MEX3C: variants seen among roughly 807,000 people sequenced by gnomAD.
MEX3C encodes RNA-binding E3 ubiquitin-protein ligase MEX3C.
In MEX3C, 15 loss-of-function variants were observed where a neutral mutation model predicts 35.5. The ratio of observed to expected loss-of-function variants is 0.42; its 90% CI spans 0.28 to 0.65. The LOEUF (loss-of-function observed/expected upper bound fraction) is 0.65. MEX3C is among the 30% of genes least tolerant of loss of function. The pLI, the probability that MEX3C is intolerant of heterozygous loss-of-function variation, is 0.20. For synonymous variants in MEX3C, 390 were observed against 352.8 expected, an observed-to-expected ratio of 1.11 and a Z score of -1.18; for missense variants, 711 against 842.8, an observed-to-expected ratio of 0.84 and a Z score of 1.94.
intron 1 of MEX3C, among the ~76,000 whole-genome samples, chr18:51,182,271 TGGGAA>T (rs1912448558): frequency 6.6e-6 from 1 of 151,850 alleles, no homozygotes; most frequent in Admixed American, 6.6e-5. Flanking sequence ...CTTAAGGTCT[TGGGAA>T]GGCATCCCTG....
At chr18:51,190,841 CTA>C (rs1336375896) in intron 1 of MEX3C, among the ~76,000 whole-genome samples, 1 of 152,122 alleles carries the variant, frequency 6.6e-6, no homozygotes, top group East Asian at 1.9e-4. Context: ...TTGTAAGTCT[CTA>C]TATAGTAACT....
intron 1 of MEX3C, chr18:51,194,562 T>C (rs2144560258): frequency 6.6e-6 from 1 of 152,334 alleles, no homozygotes; most frequent in East Asian, 1.9e-4. Context: ...AAGGGCCATT[T>C]AGCAGTGCTT....
chr18:51,176,403 G>A lies in MEX3C; in HGVS notation c.1928C>T (p.Ser643Leu). 1.2e-6 allele frequency: 2 copies of A among 1,613,992 alleles called. No individual in the cohort carries two copies. Among genetic ancestry groups the A allele is most frequent in the Non-Finnish European group, 1.7e-6 (2 of 1,179,878 alleles). Residue 643 changes from serine to leucine, a missense_variant, in exon 2 of 2, where the codon TCA becomes TTA. Ser to Leu is a moderately radical substitution (Grantham distance 145, BLOSUM62 -2). Transcript: ENST00000406189. ...AACAGCTGTCTGGCAAACTGGACAT[G>A]ATGGCGTTCTCTTTTCACAGATCTT... ...ANKICEKRTP[S>L]CPVCQTAVTQ...
Position 51,196,932 on chromosome 18 carries a change from A to T in MEX3C, c.389T>A (p.Leu130Gln). ...CCGGTCCTCCTCCTCTGCTTCCTCC[A>T]GCTCCTCCTCCTCCAGCAGGTCTCC... ...LDGDLLEEEE[L>Q]EEAEEEDRSS... The change falls in exon 1 of 2, where the codon CTG becomes CAG. Residue 130 changes from leucine (L) to glutamine (Q), a missense_variant. Coordinates refer to ENST00000406189, the MANE Select transcript of MEX3C (RefSeq NM_016626.5). 6.5e-7 allele frequency: 1 copy of T among 1,543,424 alleles called. No individual in the cohort carries two copies.
rs1270925519 is a variant in MEX3C, at chr18:51,178,806, G to A, written c.755-1230C>T. ...ACCCGGGGGACAGAGGTTGCAGTGA[G>A]CCGAGATTGTCCCACTGCACTCCAG... On this transcript the variant is annotated intron_variant, in intron 1 of 1. Coordinates refer to ENST00000406189, the MANE Select transcript of MEX3C (RefSeq NM_016626.5). Among the ~76,000 whole-genome samples, 5 of 150,758 alleles carry A rather than the reference G, an allele frequency of 3.3e-5. No homozygotes were observed. In the South Asian group the frequency reaches 1.1e-3, roughly 32 times the overall value.
chr18:51,194,025 A>G lies in MEX3C; in HGVS notation c.754+2542T>C, dbSNP rs561055663. ...AATGGATAATTTAATCTTAAGGATGAAAGTTTAGCTCCTTCAAAGCAAACA... is the reference window on the plus strand; with the variant it reads ...AATGGATAATTTAATCTTAAGGATGGAAGTTTAGCTCCTTCAAAGCAAACA... On this transcript the variant is annotated intron_variant, in intron 1 of 1. Coordinates refer to ENST00000406189, the MANE Select transcript of MEX3C (RefSeq NM_016626.5). The G allele has an allele frequency of 2.0e-5, 3 of 152,380 alleles. No individual in the cohort carries two copies. The South Asian group carries it at 6.2e-4, about 32-fold the overall frequency. The allele number at this position is 152,380 out of a possible 1,614,324, so 9.4% of individuals were successfully genotyped here. A position where few individuals can be genotyped will look rare whatever the true frequency, so the allele number is the denominator to read the frequency against.
intron 1 of MEX3C, among the ~76,000 whole-genome samples, chr18:51,187,974 C>CA (rs1295773791): frequency 2.6e-5 from 4 of 152,142 alleles, no homozygotes; most frequent in Admixed American, 1.3e-4. Flanking sequence ...TAATGAGTAT[C>CA]AACTAAATCC....
chr18:51,191,820 A>T (rs932004241), intron 1 of MEX3C, among the ~76,000 whole-genome samples: 1 of 152,192 alleles, frequency 6.6e-6, no homozygotes, highest in Admixed American at 6.6e-5. Context: ...TCAAGATTAC[A>T]CAGTGAGTTA....
chr18:51,197,103 G>T lies in MEX3C; in HGVS notation c.218C>A (p.Pro73Gln). 1.7e-6 allele frequency: 2 copies of T among 1,174,500 alleles called. No individual in the cohort carries two copies. The highest frequency in any genetic ancestry group is 2.1e-6 in the Non-Finnish European group (2 of 953,836). The allele number at this position is 1,174,500 out of a possible 1,614,324, so 72.8% of individuals were successfully genotyped here. The change falls in exon 1 of 2, where the codon CCG becomes CAG. Residue 73 changes from proline (P) to glutamine (Q), a missense_variant. Physicochemically the swap from Pro to Gln is moderately conservative, Grantham distance 76. This residue lies in a region of MEX3C where 354 missense variants were observed against 311.6 expected (regional missense o/e 1.14). Coordinates refer to ENST00000406189, the MANE Select transcript of MEX3C (RefSeq NM_016626.5). ...AEPGAPALRAPAAAAQGQARR... is the reference protein window; with the variant it reads ...AEPGAPALRAQAAAAQGQARR... Reference sequence around the variant, plus strand: ...GGCCTGGCCCTGCGCCGCCGCTGCCGGGGCCCGAAGCGCCGGGGCGCCGGG... The same window carrying T: ...GGCCTGGCCCTGCGCCGCCGCTGCCTGGGCCCGAAGCGCCGGGGCGCCGGG...
At chr18:51,188,576 C>A (rs61236579) in intron 1 of MEX3C, among the ~76,000 whole-genome samples, 2 of 145,456 alleles carry the variant, frequency 1.4e-5, no homozygotes, top group African/African-American at 5.1e-5. Flanking sequence ...CCAGCCTGGG[C>A]GACAGAGTGA....
At position 51,196,830 on chromosome 18, in the gene MEX3C, G is replaced by C; in HGVS notation, c.491C>G (p.Ser164Cys). The change falls in exon 1 of 2, where the codon TCT (serine) becomes TGT (cysteine). Residue 164 changes from serine (S) to cysteine (C), a missense_variant. Transcript: ENST00000406189. The part of the protein sequence containing the change: ...TQQIPGGSLG[S>C]VLLPAARFDA... ...GAACCTGGCGGCTGGCAGCAGCACAGACCCCAGGGACCCGCCCGGGATCTG... is the reference window on the plus strand; with the variant it reads ...GAACCTGGCGGCTGGCAGCAGCACACACCCCAGGGACCCGCCCGGGATCTG... 2 of 1,534,718 alleles carry C rather than the reference G, an allele frequency of 1.3e-6. No individual in the cohort carries two copies. Among genetic ancestry groups the C allele is most frequent in the Non-Finnish European group, 1.7e-6 (2 of 1,144,872 alleles).
chr18:51,191,580 GGAA>G (rs1175126163), intron 1 of MEX3C, among the ~76,000 whole-genome samples: 1 of 152,162 alleles, frequency 6.6e-6, no homozygotes, highest in Non-Finnish European at 1.5e-5. Context: ...CTATTACATT[GGAA>G]GAATATAATG....
At chr18:51,195,214 A>G (rs1276444972) in intron 1 of MEX3C, 2 of 152,200 alleles carry the variant, frequency 1.3e-5, no homozygotes, top group Non-Finnish European at 2.9e-5. Context: ...TTTCTCCTGG[A>G]TTATTACTCT....
chr18:51,193,272 T>C (rs1321876245), intron 1 of MEX3C: 1 of 152,146 alleles, frequency 6.6e-6, no homozygotes, highest in Admixed American at 6.5e-5. Flanking sequence ...AGAACACACA[T>C]AGACCATTAA....
At chr18:51,179,129 G>A (rs1302009505) in intron 1 of MEX3C, among the ~76,000 whole-genome samples, 2 of 151,422 alleles carry the variant, frequency 1.3e-5, no homozygotes, top group Non-Finnish European at 2.9e-5. Context: ...CCAGCCACCC[G>A]AGTAGCTGGG....
chr18:51,186,621 T>A (rs148694093), intron 1 of MEX3C, among the ~76,000 whole-genome samples: 1 of 152,234 alleles, frequency 6.6e-6, no homozygotes, highest in African/African-American at 2.4e-5. Flanking sequence ...CATAAACAGA[T>A]ATGCATGTTA....
intron 1 of MEX3C, among the ~76,000 whole-genome samples, chr18:51,185,254 A>C (rs1278768015): frequency 6.6e-6 from 1 of 152,346 alleles, no homozygotes; most frequent in East Asian, 1.9e-4. Flanking sequence ...GCTGGCTGTC[A>C]GCTGAGGGTC....
chr18:51,181,520 T>TG (rs1912430960), intron 1 of MEX3C, among the ~76,000 whole-genome samples: 1 of 151,784 alleles, frequency 6.6e-6, no homozygotes, highest in African/African-American at 2.4e-5. Context: ...TAGTAAAGAG[T>TG]GGGGAAAAGA....
rs749787671 is a variant in MEX3C at position 51,176,549 on chromosome 18, G to A, written c.1782C>T (p.Ser594=). Residue 594 remains serine, a synonymous_variant, in exon 2 of 2, where the codon TCC becomes TCT. Coordinates refer to ENST00000406189, the MANE Select transcript of MEX3C (RefSeq NM_016626.5). ...TTGATTCTGGAGGTGAGCTAGAGGT[G>A]GAACCACCATTGGAAGAGGAGTAAC... ...TNSYSSSNGG[S]TSSSPPESRR... is the part of the protein sequence containing the mutation. 5.6e-6 allele frequency: 9 copies of A among 1,613,932 alleles called. No individual in the cohort carries two copies. The South Asian group carries it at 6.6e-5, about 12-fold the overall frequency.
Sources: allele counts gnomAD v4.1 joint callset (sites outside exome capture counted in the v4.1 genomes callset), GRCh38; gene constraint gnomAD v4.1.1; regional missense constraint gnomAD v4.1.1; transcripts MANE v1.5; gene names NCBI Gene and HGNC (gene_info 2026-07-23, HGNC 2026-07-21).